Variants in THSD7A observed in about 807,000 individuals in gnomAD.
THSD7A encodes thrombospondin type 1 domain containing 7A, also known as thrombospondin type-1 domain-containing protein 7A.
In THSD7A, 96 loss-of-function variants were observed where a neutral mutation model predicts 231.3. The ratio of observed to expected loss-of-function variants is 0.41; its 90% confidence interval spans 0.35 to 0.49. THSD7A has a LOEUF of 0.49. Among genes scored for constraint, THSD7A ranks in the 20% least tolerant of loss-of-function variants. THSD7A has a pLI of 0.05. For synonymous variants in THSD7A, 940 were observed against 743.3 expected, an observed-to-expected ratio of 1.26 and a Z score of -4.30; for missense variants, 2,290 against 2,070.2, an observed-to-expected ratio of 1.11 and a Z score of -2.06.
Position 11,388,519 on chromosome 7 carries a change from G to A in THSD7A, c.4412-5903C>T, listed in dbSNP as rs565823432. On this transcript the variant is annotated intron_variant, in intron 23 of 27. Coordinates refer to ENST00000423059, the MANE Select transcript of THSD7A (RefSeq NM_015204.3). ...TTCTCAGATGGTAGTTTGAATTTCCGTGGGATCACTGGTGACATCCCCTTT... is the reference window on the plus strand; with the variant it reads ...TTCTCAGATGGTAGTTTGAATTTCCATGGGATCACTGGTGACATCCCCTTT... Among the ~76,000 whole-genome samples, 18 of 152,216 alleles carry A rather than the reference G, an allele frequency of 1.2e-4. No homozygotes were observed. In the South Asian group the frequency reaches 3.1e-3, roughly 26 times the overall value.
At chr7:11,614,728 TA>T (rs1370798399) in intron 2 of THSD7A, among the ~76,000 whole-genome samples, 3 of 152,204 alleles carry the variant, frequency 2.0e-5, no homozygotes, top group African/African-American at 7.2e-5. Flanking sequence ...TTAATTACAT[TA>T]TTTTTTACTC....
intron 6 of THSD7A, among the ~76,000 whole-genome samples, chr7:11,535,476 C>T (rs1025084689): frequency 1.4e-4 from 21 of 151,764 alleles, no homozygotes; most frequent in Non-Finnish European, 2.8e-4. Flanking sequence ...TTTATCTTTA[C>T]AACAAATTGA....
chr7:11,548,125 A>G (rs1162377424), intron 4 of THSD7A, among the ~76,000 whole-genome samples: 2 of 152,164 alleles, frequency 1.3e-5, no homozygotes, highest in Non-Finnish European at 2.9e-5. Flanking sequence ...AGACTAATAA[A>G]GAAAAAAGAG....
At chr7:11,761,636 T>C (rs1255355152) in intron 1 of THSD7A, among the ~76,000 whole-genome samples, 8 of 152,162 alleles carry the variant, frequency 5.3e-5, no homozygotes, top group Admixed American at 5.2e-4. Flanking sequence ...CCATCTATGG[T>C]TGCAAATACC....
chr7:11,512,431 C>T (rs1160978364), intron 6 of THSD7A, among the ~76,000 whole-genome samples: 1 of 152,114 alleles, frequency 6.6e-6, no homozygotes, highest in Non-Finnish European at 1.5e-5. Context: ...CATTCCATTA[C>T]TGAGTATATA....
chr7:11,774,608 T>C (rs1783341380), intron 1 of THSD7A, among the ~76,000 whole-genome samples: 1 of 152,216 alleles, frequency 6.6e-6, no homozygotes, highest in South Asian at 2.1e-4. Flanking sequence ...AGCACATGTA[T>C]GCCTATGTTC....
Position 11,375,596 on chromosome 7 carries a change from C to A in THSD7A, c.*198G>T, listed in dbSNP as rs996707307. 1.0e-5 allele frequency: 4 copies of A among 398,176 alleles called. No individual in the cohort carries two copies. The highest frequency in any genetic ancestry group is 9.9e-5 in the South Asian group (1 of 10,118). The allele number at this position is 398,176 out of a possible 1,614,324, so 24.7% of individuals were successfully genotyped here. A position where few individuals can be genotyped will look rare whatever the true frequency, so the allele number is the denominator to read the frequency against. On this transcript the variant is annotated 3_prime_UTR_variant, in exon 28 of 28. Transcript: ENST00000423059. The stretch of plus-strand genomic sequence containing the variant: ...TCAGCTAAATCTCCTATAATTCTCA[C>A]GGTTGATGGTCTGTATATAAGTGGT...
chr7:11,434,715 T>C (rs1213569679), intron 13 of THSD7A, among the ~76,000 whole-genome samples: 1 of 151,926 alleles, frequency 6.6e-6, no homozygotes, highest in Admixed American at 6.6e-5. Flanking sequence ...AATGAGAAAA[T>C]GTAGCTAGAC....
intron 6 of THSD7A, among the ~76,000 whole-genome samples, chr7:11,530,409 G>T (rs942983424): frequency 1.3e-5 from 2 of 152,026 alleles, no homozygotes; most frequent in Non-Finnish European, 2.9e-5. Flanking sequence ...TGATGTTTAG[G>T]GATAAAAGAA....
At chr7:11,382,667 C>T (rs896705993) in intron 23 of THSD7A, 51 bp from the exon 24 acceptor site, 14 of 1,320,258 alleles carry the variant, frequency 1.1e-5, no homozygotes, top group Non-Finnish European at 1.5e-5. Context: ...CCCAGAAGGA[C>T]AATCATGGGG....
chr7:11,385,591 G>A (rs1782701338), intron 23 of THSD7A: 1 of 150,492 alleles, frequency 6.6e-6, no homozygotes, highest in Non-Finnish European at 1.5e-5. Context: ...ATTAATATTT[G>A]GTTATCTTTG....
intron 15 of THSD7A, among the ~76,000 whole-genome samples, chr7:11,425,062 C>T (rs1030046098): frequency 6.6e-6 from 1 of 152,126 alleles, no homozygotes; most frequent in African/African-American, 2.4e-5. Flanking sequence ...TAAATCTGAT[C>T]CACTGGATCA....
intron 6 of THSD7A, among the ~76,000 whole-genome samples, chr7:11,523,954 T>C (rs1788371317): frequency 1.3e-5 from 2 of 152,190 alleles, no homozygotes; most frequent in African/African-American, 4.8e-5. Flanking sequence ...TAGATTATTA[T>C]ATTTGAGGTT....
intron 6 of THSD7A, among the ~76,000 whole-genome samples, chr7:11,498,258 C>A (rs560484699): frequency 6.6e-6 from 1 of 152,158 alleles, no homozygotes; most frequent in African/African-American, 2.4e-5. Context: ...GAGAGAGGGG[C>A]GGGCTGCCAT....
At chr7:11,793,945 G>A (rs371805146) in intron 1 of THSD7A, among the ~76,000 whole-genome samples, 1 of 151,694 alleles carries the variant, frequency 6.6e-6, no homozygotes, top group African/African-American at 2.4e-5. Flanking sequence ...AAATAATTGA[G>A]TGTCAAATGA....
rs1429410086 is a variant in THSD7A at position 11,590,530 on chromosome 7, G to A, written c.1383C>T (p.Thr461=). ...QTALCGGGIQ[T]REVYCVQANE... is the part of the protein sequence containing the mutation. ...TGGCCTGCACGCAGTACACCTCTCGGGTCTGGATGCCCCCTCCACAGAGGG... is the reference window on the plus strand; with the variant it reads ...TGGCCTGCACGCAGTACACCTCTCGAGTCTGGATGCCCCCTCCACAGAGGG... Residue 461 remains threonine (T), a synonymous_variant, in exon 4 of 28, where the codon ACC becomes ACT. Coordinates refer to ENST00000423059, the MANE Select transcript of THSD7A (RefSeq NM_015204.3). This position sits in a 1 kb window ranked among gnomAD's most constrained non-coding sequence, Gnocchi z 4.4. The A allele has an allele frequency of 3.1e-6, 5 of 1,613,886 alleles. No homozygotes were observed. In the Admixed American group the frequency reaches 8.3e-5, roughly 27 times the overall value.
chr7:11,402,487 G>C (rs1783439918), intron 22 of THSD7A, among the ~76,000 whole-genome samples: 1 of 152,172 alleles, frequency 6.6e-6, no homozygotes, highest in Middle Eastern at 3.2e-3. Flanking sequence ...AGCAGTTGCA[G>C]TACTGGAAAT....
intron 4 of THSD7A, among the ~76,000 whole-genome samples, chr7:11,570,950 T>A (rs1346036926): frequency 6.6e-6 from 1 of 152,126 alleles, no homozygotes; most frequent in African/African-American, 2.4e-5. Context: ...GTATTCTTAT[T>A]TTGGGGTTAT....
Position 11,447,342 on chromosome 7 carries a change from G to A in THSD7A, c.2688C>T (p.Thr896=). 6.2e-7 allele frequency: 1 copy of A among 1,612,610 alleles called. No homozygotes were observed. Among genetic ancestry groups the A allele is most frequent in the African/African-American group, 1.3e-5 (1 of 74,964 alleles). Residue 896 remains threonine (T), a synonymous_variant, in exon 12 of 28, where the codon ACC becomes ACT. Coordinates refer to ENST00000423059, the MANE Select transcript of THSD7A (RefSeq NM_015204.3). The part of the protein sequence containing the change: ...LQYAGPVPAL[T]QACQIPCQDD... ...CCTGGCAGGGGATCTGGCAGGCCTG[G>A]GTAAGGGCTGGCACAGGGCCTGCAT...
Sources: allele counts gnomAD v4.1 joint callset (sites outside exome capture counted in the v4.1 genomes callset), GRCh38; gene constraint gnomAD v4.1.1; non-coding constraint Gnocchi (gnomAD v3.1); transcripts MANE v1.5; gene names NCBI Gene and HGNC (gene_info 2026-07-23, HGNC 2026-07-21).